The following CD36 variants were observed in gnomAD, a reference collection of about 807,000 sequenced individuals.
CD36 encodes platelet glycoprotein 4.
A neutral mutation model predicts 55.2 loss-of-function variants in CD36; 119 were observed. That is an observed-to-expected ratio of 2.15 (90% CI 1.86 to 2.51). The LOEUF is 2.51. Ranked by LOEUF, CD36 falls within the 30% of genes most tolerant of loss-of-function variation. CD36 has a pLI of 0.00. For synonymous variants in CD36, 186 were observed against 193.6 expected (o/e 0.96, Z 0.33); for missense variants, 819 against 555.5 (o/e 1.47, Z -4.77).
At chr7:80,652,062 A>G (rs1292849921) in intron 3 of CD36, among the ~76,000 whole-genome samples, 1 of 149,420 alleles carries the variant, frequency 6.7e-6, no homozygotes, top group East Asian at 1.9e-4. Flanking sequence ...ATAAATGACT[A>G]AAAATATTAA....
intron 8 of CD36, among the ~76,000 whole-genome samples, chr7:80,668,678 T>C (rs1419111118): frequency 6.6e-6 from 1 of 152,214 alleles, no homozygotes; most frequent in East Asian, 1.9e-4. Flanking sequence ...CATTTTTCTT[T>C]AATTATTAAG....
At chr7:80,646,590 G>T in intron 2 of CD36, 62 bp from the exon 3 acceptor site, 1 of 895,000 alleles carries the variant, frequency 1.1e-6, no homozygotes, top group Non-Finnish European at 1.8e-6. Flanking sequence ...TGTTTTCTTT[G>T]TACTTTGATC....
At chr7:80,673,835 CT>C in intron 13 of CD36, 147 bp from the exon 14 acceptor site, 3 of 689,624 alleles carry the variant, frequency 4.4e-6, no homozygotes, top group Non-Finnish European at 5.2e-6. Context: ...CCTTTCTTGA[CT>C]TGCAAAAGGA....
chr7:80,619,540 G>A (rs191786173), intron 1 of CD36, among the ~76,000 whole-genome samples: 172 of 151,458 alleles, frequency 1.1e-3, no homozygotes, highest in African/African-American at 3.6e-3. Flanking sequence ...CCAGCTACTC[G>A]AGAGGCTGAG....
At chr7:80,664,581 T>A in intron 7 of CD36, 84 bp downstream of exon 7, 1 of 818,298 alleles carries the variant, frequency 1.2e-6, no homozygotes, top group South Asian at 1.3e-5. Flanking sequence ...TCATAAGACA[T>A]AGGCATCAAC....
chr7:80,633,676 T>C (rs778609290), upstream of CD36, among the ~76,000 whole-genome samples: 7 of 152,042 alleles, frequency 4.6e-5, no homozygotes, highest in Non-Finnish European at 1.0e-4. Context: ...TTAATACTTC[T>C]ATAAGTGACG....
chr7:80,657,438 T>C (rs1484691296), intron 4 of CD36, among the ~76,000 whole-genome samples: 3 of 152,242 alleles, frequency 2.0e-5, no homozygotes, highest in Non-Finnish European at 4.4e-5. Flanking sequence ...ATTTTATATC[T>C]TTCCTCTGCC....
At chr7:80,643,672 T>C (rs1794960043) in intron 1 of CD36, among the ~76,000 whole-genome samples, 1 of 152,128 alleles carries the variant, frequency 6.6e-6, no homozygotes, top group Non-Finnish European at 1.5e-5. Context: ...TTTTACCTAA[T>C]GCACTTCCAC....
At chr7:80,637,417 T>A (rs895184220), upstream of CD36, among the ~76,000 whole-genome samples, 9 of 152,076 alleles carry the variant, frequency 5.9e-5, no homozygotes, top group African/African-American at 1.9e-4. Context: ...AGATTGCACA[T>A]GGTCATTTCT....
intron 6 of CD36, 43 bp from the exon 7 acceptor site, chr7:80,664,363 A>C (rs1416813504): frequency 9.4e-7 from 1 of 1,064,802 alleles, no homozygotes; most frequent in African/African-American, 1.6e-5. Context: ...AACTTTGAAA[A>C]AATGACTTGT....
chr7:80,618,431 A>C (rs757531474), intron 1 of CD36, among the ~76,000 whole-genome samples: 2 of 152,170 alleles, frequency 1.3e-5, no homozygotes, highest in Non-Finnish European at 2.9e-5. Context: ...TCTTTAAATA[A>C]AAAAACTAGA....
chr7:80,646,999 G>T, intron 3 of CD36, 139 bp downstream of exon 3: 1 of 865,694 alleles, frequency 1.2e-6, no homozygotes, highest in Non-Finnish European at 1.9e-6. Context: ...ATGAACCACT[G>T]CAACTCTATA....
rs1584482721 is a variant in CD36, at chr7:80,677,981, G to A, written c.*1598G>A. The A allele has an allele frequency of 6.6e-6, 1 of 152,104 alleles. No individual in the cohort carries two copies. Among genetic ancestry groups the A allele is most frequent in the East Asian group, 1.9e-4 (1 of 5,172 alleles). The allele number at this position is 152,104 out of a possible 1,614,324, so 9.4% of individuals were successfully genotyped here. On this transcript the variant is annotated 3_prime_UTR_variant, in exon 15 of 15. Coordinates refer to ENST00000447544, the MANE Select transcript of CD36 (RefSeq NM_001001548.3). Reference sequence around the variant, plus strand: ...AAATTCTGTAAAAGGAATATAAGAGGAAAGACAATTCATATACAAAGACAA... The same window carrying A: ...AAATTCTGTAAAAGGAATATAAGAGAAAAGACAATTCATATACAAAGACAA...
intron 1 of CD36, among the ~76,000 whole-genome samples, chr7:80,643,590 G>A (rs1052108699): frequency 6.6e-6 from 1 of 152,162 alleles, no homozygotes; most frequent in Non-Finnish European, 1.5e-5. Flanking sequence ...GATAAAGAGT[G>A]TCAGGCAGGA....
intron 8 of CD36, among the ~76,000 whole-genome samples, chr7:80,667,700 C>T (rs1319921212): frequency 7.1e-6 from 1 of 140,272 alleles, no homozygotes; most frequent in Non-Finnish European, 1.5e-5. Flanking sequence ...AAAAAGCAAA[C>T]AAAAAAAACA....
intron 3 of CD36, among the ~76,000 whole-genome samples, chr7:80,652,224 A>G (rs945366807): frequency 6.6e-6 from 1 of 152,226 alleles, no homozygotes; most frequent in Non-Finnish European, 1.5e-5. Context: ...CAAGAAATAG[A>G]CAAGCATATA....
chr7:80,672,489 T>C (rs1297419711), intron 11 of CD36, among the ~76,000 whole-genome samples: 1 of 151,866 alleles, frequency 6.6e-6, no homozygotes, highest in Admixed American at 6.6e-5. Flanking sequence ...ATCTGAGATC[T>C]TATATTTTGT....
chr7:80,658,138 A>T (rs1402731823), intron 4 of CD36, among the ~76,000 whole-genome samples: 2 of 152,228 alleles, frequency 1.3e-5, no homozygotes, highest in African/African-American at 4.8e-5. Context: ...AATTTTGTCA[A>T]TGAAGACTTA....
In CD36 at chr7:80,623,357, C is replaced by A. The variant is rs556981485; in HGVS notation, c.-184+20978C>A. 4.7e-3 allele frequency among the ~76,000 whole-genome samples: 712 copies of A among 151,332 alleles called. 8 individuals carry two copies. Among genetic ancestry groups the A allele is most frequent in the African/African-American group, 0.017 (685 of 41,296 alleles). ...GGTCACATTTTCTTCCACTTTGTGGCAGAGTTCTGAGCACATAGTGACCAT... is the reference window on the plus strand; with the variant it reads ...GGTCACATTTTCTTCCACTTTGTGGAAGAGTTCTGAGCACATAGTGACCAT... On this transcript the variant is annotated intron_variant, in intron 1 of 13. Transcript: ENST00000309881.
Sources: allele counts gnomAD v4.1 joint callset (sites outside exome capture counted in the v4.1 genomes callset), GRCh38; gene constraint gnomAD v4.1.1; transcripts MANE v1.5; gene names NCBI Gene and HGNC (gene_info 2026-07-23, HGNC 2026-07-21).